The following ESR1 variants were observed in gnomAD, a reference collection of about 807,000 sequenced individuals.
ESR1 encodes estrogen receptor.
A neutral mutation model predicts 52.7 loss-of-function variants in ESR1; 12 were observed. The ratio of observed to expected loss-of-function variants is 0.23; its 90% CI spans 0.15 to 0.37. ESR1 has a LOEUF of 0.37. Ranked by LOEUF, ESR1 falls within the 10% of genes least tolerant of loss-of-function variation. ESR1 has a pLI of 1.00. For synonymous variants in ESR1, 305 were observed against 316.8 expected (o/e 0.96, Z 0.39); for missense variants, 584 against 779.7 (o/e 0.75, Z 2.99).
At chr6:152,072,025 T>A (rs9479191) in intron 6 of ESR1, among the ~76,000 whole-genome samples, 9 of 152,020 alleles carry the variant, frequency 5.9e-5, no homozygotes, top group African/African-American at 2.2e-4. Flanking sequence ...GAATGTAACC[T>A]TATCATGCAA....
intron 5 of ESR1, among the ~76,000 whole-genome samples, chr6:152,054,584 C>T (rs141390912): frequency 1.3e-5 from 2 of 152,296 alleles, no homozygotes; most frequent in Admixed American, 1.3e-4. Context: ...CACTGGTAAG[C>T]TCTTAATGGT....
Position 151,911,595 on chromosome 6 carries a change from G to C in ESR1, c.760+30824G>C, listed in dbSNP as rs368803113. Among the ~76,000 whole-genome samples, 10 of 152,244 alleles carry C rather than the reference G, an allele frequency of 6.6e-5. No homozygotes were observed. In the South Asian group the frequency reaches 1.7e-3, roughly 25 times the overall value. On this transcript the variant is annotated intron_variant, in intron 3 of 7. Transcript: ENST00000206249. ...CTCATTTTGTAACCTGCTCTGACTC[G>C]CCTCTGGGAGGCCTCCCTCCCCACT...
intron 2 of ESR1, among the ~76,000 whole-genome samples, chr6:151,774,422 C>T (rs766858206): frequency 4.8e-4 from 73 of 152,216 alleles, no homozygotes; most frequent in Non-Finnish European, 7.5e-4. Flanking sequence ...AACAAGGCAT[C>T]GTATGCCAAG....
intron 5 of ESR1, among the ~76,000 whole-genome samples, chr6:152,042,623 A>G (rs548476624): frequency 2.7e-4 from 41 of 152,160 alleles, no homozygotes; most frequent in African/African-American, 8.7e-4. Context: ...GGGTCTATAA[A>G]CTGGTTCAAG....
At chr6:151,969,064 T>C (rs914184838) in intron 4 of ESR1, among the ~76,000 whole-genome samples, 5 of 152,112 alleles carry the variant, frequency 3.3e-5, no homozygotes, top group Admixed American at 6.6e-5. Context: ...GACACAGTTC[T>C]CTACGCCGTT....
intron 1 of ESR1, among the ~76,000 whole-genome samples, chr6:151,676,216 C>T (rs1778247095): frequency 6.6e-6 from 1 of 152,098 alleles, no homozygotes; most frequent in Admixed American, 6.5e-5. Flanking sequence ...TCACTAGTGC[C>T]CCTTCCAGTA....
At chr6:151,936,316 C>T (rs1239513261) in intron 3 of ESR1, 1 of 152,142 alleles carries the variant, frequency 6.6e-6, no homozygotes, top group Non-Finnish European at 1.5e-5. Flanking sequence ...CTAAACTTGC[C>T]ATGTAGGAGA....
intron 4 of ESR1, among the ~76,000 whole-genome samples, chr6:152,009,124 G>A (rs904523842): frequency 6.6e-6 from 1 of 151,908 alleles, no homozygotes; most frequent in African/African-American, 2.4e-5. Flanking sequence ...CACCCCCTGG[G>A]GATCTGAAAC....
At chr6:151,820,255 C>T (rs749501439) in intron 1 of ESR1, among the ~76,000 whole-genome samples, 1 of 152,136 alleles carries the variant, frequency 6.6e-6, no homozygotes, top group East Asian at 1.9e-4. Flanking sequence ...AGAGCTCCAG[C>T]CCAGTTCCTT....
chr6:151,675,097 A>T (rs1430454963), intron 1 of ESR1, among the ~76,000 whole-genome samples: 1 of 152,232 alleles, frequency 6.6e-6, no homozygotes, highest in Non-Finnish European at 1.5e-5. Context: ...TAAGGGTGAG[A>T]GAGAATGGCA....
chr6:152,079,562 A>G (rs550255203), intron 6 of ESR1, among the ~76,000 whole-genome samples: 2 of 152,360 alleles, frequency 1.3e-5, no homozygotes, highest in South Asian at 4.1e-4. Context: ...GGAAAATTCC[A>G]AAAACCAGAG....
rs777519013 is a variant in ESR1, at chr6:152,098,792, C to T, written c.1614C>T (p.Asp538=). The change falls in exon 8 of 8, where the codon GAC becomes GAT. Residue 538 remains aspartate, a synonymous_variant. Transcript: ENST00000206249. This position sits in a 1 kb window ranked among gnomAD's most constrained non-coding sequence, Gnocchi z 5.1. ...GCAAGAACGTGGTGCCCCTCTATGACCTGCTGCTGGAGATGCTGGACGCCC... is the reference window on the plus strand; with the variant it reads ...GCAAGAACGTGGTGCCCCTCTATGATCTGCTGCTGGAGATGCTGGACGCCC... The part of the protein sequence containing the change: ...MKCKNVVPLY[D]LLLEMLDAHR... The T allele has an allele frequency of 1.2e-6, 2 of 1,614,194 alleles. No individual in the cohort carries two copies. The highest frequency in any genetic ancestry group is 1.1e-5 in the South Asian group (1 of 91,084).
At chr6:151,844,997 T>C (rs937964478) in intron 2 of ESR1, among the ~76,000 whole-genome samples, 16 of 152,124 alleles carry the variant, frequency 1.1e-4, no homozygotes, top group African/African-American at 3.9e-4. Flanking sequence ...ATACCAGTTA[T>C]AAATTAAAAT....
At chr6:151,963,577 T>C (rs988662632) in intron 4 of ESR1, among the ~76,000 whole-genome samples, 2 of 152,250 alleles carry the variant, frequency 1.3e-5, no homozygotes, top group Non-Finnish European at 2.9e-5. Flanking sequence ...ATTTTGAATA[T>C]TAACCCCTTA....
chr6:152,096,542 G>A (rs1392551549), intron 7 of ESR1: 1 of 435,836 alleles, frequency 2.3e-6, no homozygotes, highest in African/African-American at 2.0e-5. Flanking sequence ...TACTGAGTGA[G>A]TGAACAAAGA....
At chr6:151,918,186 C>T (rs9397072) in intron 3 of ESR1, among the ~76,000 whole-genome samples, 8,735 of 152,256 alleles carry the variant, frequency 0.057, 425 homozygotes, top group East Asian at 0.17. Context: ...CAGCTGCTCC[C>T]TTCCCTCATT....
intron 2 of ESR1, among the ~76,000 whole-genome samples, chr6:151,756,402 C>T (rs1393330515): frequency 6.6e-6 from 1 of 152,152 alleles, no homozygotes; most frequent in East Asian, 1.9e-4. Flanking sequence ...CGCGTGCCAC[C>T]ATGCCTGGCT....
chr6:151,686,566 T>C (rs995623795), upstream of ESR1, among the ~76,000 whole-genome samples: 21 of 152,120 alleles, frequency 1.4e-4, no homozygotes. Flanking sequence ...CGGGCACCTG[T>C]AGTCCCAGCT....
intron 1 of ESR1, among the ~76,000 whole-genome samples, chr6:151,669,159 A>AGAGAGAGAGAGAGAGGGAGAG (rs2115240932): frequency 8.1e-6 from 1 of 123,120 alleles, no homozygotes; most frequent in African/African-American, 2.9e-5. Flanking sequence ...AGAGAGAGAG[A>AGAGAGAGAGAGAGAGGGAGAG]GAGAGAGAGA....
Sources: allele counts gnomAD v4.1 joint callset (sites outside exome capture counted in the v4.1 genomes callset), GRCh38; gene constraint gnomAD v4.1.1; non-coding constraint Gnocchi (gnomAD v3.1); transcripts MANE v1.5; gene names NCBI Gene and HGNC (gene_info 2026-07-23, HGNC 2026-07-21).